LINGO2: variants seen among roughly 807,000 people sequenced by gnomAD.
The protein encoded by LINGO2 is leucine-rich repeat and immunoglobulin-like domain-containing nogo receptor-interacting protein 2.
LINGO2 carries 14 observed loss-of-function variants against 30.6 expected under a neutral mutation model. That is an observed-to-expected ratio of 0.46 (90% CI 0.30 to 0.72). LINGO2 has a LOEUF of 0.72. Among genes scored for constraint, LINGO2 ranks in the 30% least tolerant of loss-of-function variants. LINGO2 has a pLI of 0.07. For missense variants in LINGO2, 729 were observed against 751.7 expected (o/e 0.97, Z 0.35); for synonymous variants, 317 against 288.5 (o/e 1.10, Z -1.00).
At chr9:28,117,773 G>A (rs1011438242) in intron 4 of LINGO2, among the ~76,000 whole-genome samples, 3 of 149,038 alleles carry the variant, frequency 2.0e-5, no homozygotes, top group Admixed American at 1.3e-4. Flanking sequence ...TTCGGCTCGC[G>A]GACGGTGCGC....
chr9:28,935,767 CT>C, the LINGO2 span, among the ~76,000 whole-genome samples: 3 of 151,832 alleles, frequency 2.0e-5, no homozygotes, highest in Non-Finnish European at 4.4e-5. Context: ...TTGAGCTAAT[CT>C]GATTACTTTA....
intron 1 of LINGO2, among the ~76,000 whole-genome samples, chr9:28,587,691 T>C (rs1315543372): frequency 1.3e-5 from 2 of 151,374 alleles, no homozygotes; most frequent in African/African-American, 4.9e-5. Flanking sequence ...AGGGGAGGAA[T>C]AGATGCCACG....
chr9:29,170,954 G>A, the LINGO2 span, among the ~76,000 whole-genome samples: 1 of 152,034 alleles, frequency 6.6e-6, no homozygotes, highest in African/African-American at 2.4e-5. Context: ...AATTGCTTTA[G>A]AAGTGTAATT....
chr9:28,295,630 T>A (rs1017056891), intron 3 of LINGO2, among the ~76,000 whole-genome samples: 1 of 152,168 alleles, frequency 6.6e-6, no homozygotes, highest in Non-Finnish European at 1.5e-5. Flanking sequence ...ATTATTGATA[T>A]TAAAACTCAC....
the LINGO2 span, among the ~76,000 whole-genome samples, chr9:28,960,083 G>T: frequency 6.6e-6 from 1 of 152,132 alleles, no homozygotes; most frequent in South Asian, 2.1e-4. Context: ...TGTTCTTGGA[G>T]CAAAAAAGTA....
the LINGO2 span, among the ~76,000 whole-genome samples, chr9:28,900,897 AG>A: frequency 5.3e-5 from 8 of 152,224 alleles, no homozygotes; most frequent in Non-Finnish European, 8.8e-5. Flanking sequence ...GGAAACTACC[AG>A]GAAACAATTC....
At chr9:28,846,023 G>A in the LINGO2 span, among the ~76,000 whole-genome samples, 1 of 149,962 alleles carries the variant, frequency 6.7e-6, no homozygotes. Flanking sequence ...CACACACGCA[G>A]GCACACACAC....
At chr9:27,961,734 G>A (rs1419371254) in intron 5 of LINGO2, among the ~76,000 whole-genome samples, 1 of 152,160 alleles carries the variant, frequency 6.6e-6, no homozygotes, top group Non-Finnish European at 1.5e-5. Context: ...CACTCAGGAG[G>A]CTGTTAATTC....
chr9:28,508,775 A>C (rs1026377122), intron 1 of LINGO2, among the ~76,000 whole-genome samples: 1 of 152,126 alleles, frequency 6.6e-6, no homozygotes, highest in Non-Finnish European at 1.5e-5. Context: ...TTTGTAGAGT[A>C]GAACAACCAT....
At chr9:28,238,636 T>C (rs548427141) in intron 4 of LINGO2, among the ~76,000 whole-genome samples, 3 of 152,192 alleles carry the variant, frequency 2.0e-5, no homozygotes, top group East Asian at 3.9e-4. Context: ...CTATGTGATA[T>C]GGCAAAAACA....
intron 1 of LINGO2, among the ~76,000 whole-genome samples, chr9:28,612,667 C>T (rs1046893645): frequency 6.6e-6 from 1 of 152,056 alleles, no homozygotes; most frequent in African/African-American, 2.4e-5. Context: ...TAGCAAATAC[C>T]GGACTTGCTT....
intron 4 of LINGO2, among the ~76,000 whole-genome samples, chr9:28,017,338 G>C (rs1822890192): frequency 6.6e-6 from 1 of 152,104 alleles, no homozygotes; most frequent in African/African-American, 2.4e-5. Flanking sequence ...GCCCTAGCCA[G>C]AGCAATTAGG....
At chr9:29,033,398 A>ATATATATATATATATATATATATC in the LINGO2 span, among the ~76,000 whole-genome samples, 7 of 149,824 alleles carry the variant, frequency 4.7e-5, no homozygotes, top group East Asian at 1.4e-3. Context: ...ATATATATAT[A>ATATATATATATATATATATATATC]TCTCTTCTAT....
chr9:28,894,671 T>C, the LINGO2 span, among the ~76,000 whole-genome samples: 1 of 151,918 alleles, frequency 6.6e-6, no homozygotes, highest in East Asian at 1.9e-4. Flanking sequence ...TTTAATAATA[T>C]ATAATATTTG....
At chr9:28,969,037 AT>A in the LINGO2 span, among the ~76,000 whole-genome samples, 5 of 152,040 alleles carry the variant, frequency 3.3e-5, no homozygotes, top group Non-Finnish European at 5.9e-5. Flanking sequence ...TTATATGTAA[AT>A]TTTTTTTGAA....
At chr9:29,195,172 A>G in the LINGO2 span, among the ~76,000 whole-genome samples, 1 of 152,154 alleles carries the variant, frequency 6.6e-6, no homozygotes, top group African/African-American at 2.4e-5. Flanking sequence ...AATTCCCTGG[A>G]GGTTCCTATA....
chr9:28,236,323 C>T (rs1821562840), intron 4 of LINGO2, among the ~76,000 whole-genome samples: 1 of 152,060 alleles, frequency 6.6e-6, no homozygotes, highest in South Asian at 2.1e-4. Context: ...ACAAGAAATG[C>T]TAAAGGGATT....
intron 1 of LINGO2, among the ~76,000 whole-genome samples, chr9:28,480,352 A>G (rs1375814748): frequency 6.6e-6 from 1 of 152,028 alleles, no homozygotes; most frequent in African/African-American, 2.4e-5. Flanking sequence ...TTCATAATAT[A>G]AAGCATCTTA....
chr9:28,034,133 T>C (rs1054215128), intron 4 of LINGO2, among the ~76,000 whole-genome samples: 5 of 152,142 alleles, frequency 3.3e-5, no homozygotes, highest in African/African-American at 1.2e-4. Context: ...CTTAAACCTG[T>C]GAGGTGTTTG....
Sources: allele counts gnomAD v4.1 joint callset (sites outside exome capture counted in the v4.1 genomes callset), GRCh38; gene constraint gnomAD v4.1.1; transcripts MANE v1.5; gene names NCBI Gene and HGNC (gene_info 2026-07-23, HGNC 2026-07-21).